ARHGAP26: variants seen among roughly 807,000 people sequenced by gnomAD.
ARHGAP26 encodes rho GTPase-activating protein 26.
Under a neutral mutation model 104.8 loss-of-function variants are expected in ARHGAP26, and 38 were observed. The observed-to-expected ratio is 0.36, with a 90% confidence interval of 0.28 to 0.48. ARHGAP26 has a LOEUF of 0.48. Among genes scored for constraint, ARHGAP26 ranks in the 20% least tolerant of loss-of-function variants. The pLI, the probability that ARHGAP26 is intolerant of heterozygous loss-of-function variation, is 0.99. For missense variants in ARHGAP26, 704 were observed against 947.9 expected, an observed-to-expected ratio of 0.74 and a Z score of 3.38; for synonymous variants, 341 against 340.0, an observed-to-expected ratio of 1.00 and a Z score of -0.03.
intron 19 of ARHGAP26, among the ~76,000 whole-genome samples, chr5:143,143,780 T>G (rs1368119472): frequency 6.6e-6 from 1 of 152,224 alleles, no homozygotes; most frequent in African/African-American, 2.4e-5. Flanking sequence ...ATGGATGCTG[T>G]ATGGCCAGAC....
At chr5:142,814,896 C>T (rs1026849290) in intron 1 of ARHGAP26, among the ~76,000 whole-genome samples, 4 of 152,234 alleles carry the variant, frequency 2.6e-5, no homozygotes, top group African/African-American at 9.6e-5. Flanking sequence ...AGTTATTAGC[C>T]TCTGCTCTTG....
intron 17 of ARHGAP26, among the ~76,000 whole-genome samples, chr5:143,108,658 C>A (rs2150693169): frequency 6.6e-6 from 1 of 152,202 alleles, no homozygotes; most frequent in South Asian, 2.1e-4. Context: ...CAAAAATATG[C>A]CAGTCACATG....
At chr5:142,810,436 A>C (rs1763840877) in intron 1 of ARHGAP26, among the ~76,000 whole-genome samples, 1 of 152,070 alleles carries the variant, frequency 6.6e-6, no homozygotes, top group Non-Finnish European at 1.5e-5. Context: ...TGTTAACTTC[A>C]TAATATTTTA....
intron 11 of ARHGAP26, among the ~76,000 whole-genome samples, chr5:142,975,978 T>C (rs1340026200): frequency 2.6e-5 from 4 of 152,334 alleles, no homozygotes; most frequent in Non-Finnish European, 4.4e-5. Context: ...GGAAAAACTC[T>C]CCGTGGAACT....
intron 1 of ARHGAP26, among the ~76,000 whole-genome samples, chr5:142,839,015 A>T (rs1379217334): frequency 6.6e-6 from 1 of 152,236 alleles, no homozygotes; most frequent in Non-Finnish European, 1.5e-5. Context: ...AGTAGTGTTG[A>T]TGTGGTTAAA....
chr5:142,924,551 CATA>C (rs1485395847), intron 10 of ARHGAP26, among the ~76,000 whole-genome samples: 4 of 152,234 alleles, frequency 2.6e-5, no homozygotes, highest in Non-Finnish European at 5.9e-5. Context: ...GTGGTTAGCA[CATA>C]ATAAACACTC....
At chr5:142,932,960 C>T (rs1230011496) in intron 11 of ARHGAP26, among the ~76,000 whole-genome samples, 1 of 152,172 alleles carries the variant, frequency 6.6e-6, no homozygotes, top group African/African-American at 2.4e-5. Context: ...AAAGAAATAG[C>T]TAGTATTGTA....
chr5:143,204,006 G>A (rs1808181224), intron 20 of ARHGAP26, among the ~76,000 whole-genome samples: 4 of 151,186 alleles, frequency 2.6e-5, no homozygotes, highest in South Asian at 2.1e-4. Flanking sequence ...ATCATGGCAC[G>A]TGTATATCTA....
At chr5:142,835,257 A>G (rs1334804142) in intron 1 of ARHGAP26, among the ~76,000 whole-genome samples, 5 of 152,206 alleles carry the variant, frequency 3.3e-5, no homozygotes, top group Non-Finnish European at 5.9e-5. Flanking sequence ...TGGACTTGGA[A>G]TGGCTGTTCT....
At chr5:142,932,824 A>G (rs922746744) in intron 11 of ARHGAP26, among the ~76,000 whole-genome samples, 1 of 152,218 alleles carries the variant, frequency 6.6e-6, no homozygotes, top group African/African-American at 2.4e-5. Context: ...GTCAGGCTGG[A>G]TAATGCCAGC....
chr5:143,037,337 T>C (rs1484769170), intron 13 of ARHGAP26, 76 bp downstream of exon 13: 2 of 1,296,976 alleles, frequency 1.5e-6, no homozygotes, highest in East Asian at 2.5e-5. Context: ...TGCTACCTGC[T>C]GTTTCCTGAC....
Position 142,885,326 on chromosome 5 carries a change from C to T in ARHGAP26, c.413C>T (p.Thr138Ile). 1 of 1,613,716 alleles carries T rather than the reference C, an allele frequency of 6.2e-7. No homozygotes were observed. The change falls in exon 5 of 23, where the codon ACA becomes ATA. Residue 138 changes from threonine to isoleucine, a missense_variant. By Grantham distance (89) the Thr-to-Ile change is moderately conservative (BLOSUM62 -1). This residue lies in a region of ARHGAP26 where 106 missense variants were observed against 120.5 expected (regional missense o/e 0.88). Coordinates refer to ENST00000645722, the MANE Select transcript of ARHGAP26 (RefSeq NM_001135608.3). ...GCCAAAAAGAAGTATGACAAAGAGA[C>T]AGAAAAGTATTGTGGCATCTTAGAA... ...KEAKKKYDKE[T>I]EKYCGILEKH...
At chr5:143,005,087 A>G (rs1223691597) in intron 11 of ARHGAP26, among the ~76,000 whole-genome samples, 5 of 150,346 alleles carry the variant, frequency 3.3e-5, no homozygotes, top group Admixed American at 2.7e-4. Context: ...TCATGCACTT[A>G]AAAAAAAAAT....
At chr5:142,847,657 A>G (rs1489976764) in intron 1 of ARHGAP26, among the ~76,000 whole-genome samples, 1 of 152,174 alleles carries the variant, frequency 6.6e-6, no homozygotes, top group Non-Finnish European at 1.5e-5. Context: ...GTGCCCGGCC[A>G]GGATGATGAT....
chr5:143,007,019 C>G (rs1778071195), intron 11 of ARHGAP26, among the ~76,000 whole-genome samples: 1 of 151,764 alleles, frequency 6.6e-6, no homozygotes, highest in South Asian at 2.1e-4. Flanking sequence ...TGCCTGAGCT[C>G]AGGAGTTCGG....
chr5:143,176,686 G>A (rs530416159), intron 20 of ARHGAP26, among the ~76,000 whole-genome samples: 10 of 152,224 alleles, frequency 6.6e-5, no homozygotes, highest in South Asian at 6.2e-4. Flanking sequence ...TGGAGCCTGC[G>A]GAAGGAATTA....
intron 22 of ARHGAP26, among the ~76,000 whole-genome samples, chr5:143,217,922 G>T (rs1055919609): frequency 6.6e-6 from 1 of 152,116 alleles, no homozygotes; most frequent in African/African-American, 2.4e-5. Flanking sequence ...CCACTGCTCT[G>T]AGAATGACTT....
Position 142,797,503 on chromosome 5 carries a change from A to T in ARHGAP26, c.154+26588A>T, listed in dbSNP as rs1414603357. 3.3e-5 allele frequency among the ~76,000 whole-genome samples: 5 copies of T among 152,272 alleles called. No homozygotes were observed. In the East Asian group the frequency reaches 9.7e-4, roughly 29 times the overall value. ...TTGGATTCTGCTTAGGAGATAAGTG[A>T]TGCTTTTGGGGGTGGTCACAGGGTG... is the stretch of plus-strand genomic sequence containing the variant. On this transcript the variant is annotated intron_variant, in intron 1 of 22. Coordinates refer to ENST00000645722, the MANE Select transcript of ARHGAP26 (RefSeq NM_001135608.3).
intron 18 of ARHGAP26, among the ~76,000 whole-genome samples, chr5:143,121,865 C>G (rs1313583521): frequency 1.3e-5 from 2 of 152,196 alleles, no homozygotes; most frequent in African/African-American, 2.4e-5. Flanking sequence ...AGAACTTGTG[C>G]AGGGTTCCCT....
Sources: gnomAD v4.1 joint callset for allele counts (sites outside exome capture counted in the v4.1 genomes callset) on GRCh38, gnomAD v4.1.1 for gene constraint, gnomAD v4.1.1 regional missense constraint, MANE v1.5 for transcripts, NCBI Gene and HGNC (gene_info 2026-07-23, HGNC 2026-07-21) for gene names.